Variants in TTLL9 observed in about 807,000 individuals in gnomAD.
TTLL9 encodes tubulin tyrosine ligase like 9.
Under a neutral mutation model 65.6 loss-of-function variants are expected in TTLL9, and 47 were observed. The observed-to-expected ratio is 0.72, with a 90% confidence interval of 0.57 to 0.91. The LOEUF (loss-of-function observed/expected upper bound fraction) is 0.91. TTLL9 is among the 40% of genes least tolerant of loss of function. The pLI is 0.00. For missense variants in TTLL9, 537 were observed against 568.8 expected, an observed-to-expected ratio of 0.94 and a Z score of 0.57; for synonymous variants, 179 against 204.8, an observed-to-expected ratio of 0.87 and a Z score of 1.07.
chr20:31,943,441 C>T lies in TTLL9; in HGVS notation c.*420C>T, dbSNP rs1426912384. The stretch of plus-strand genomic sequence containing the variant: ...CCTCCTGGCTTTGACACTTGGATAC[C>T]TCCCAAGTCAGTGCTGAAAAGGTCC... On this transcript the variant is annotated 3_prime_UTR_variant, in exon 15 of 15. Transcript: ENST00000535842. The T allele has an allele frequency of 1.8e-5, 6 of 325,390 alleles. No individual in the cohort carries two copies. The highest frequency in any genetic ancestry group is 1.6e-4 in the South Asian group (6 of 36,550). 20.2% of individuals were successfully genotyped at this position (325,390 alleles called of 1,614,324 possible). A position where few individuals can be genotyped will look rare whatever the true frequency, so the allele number is the denominator to read the frequency against.
intron 11 of TTLL9, 123 bp downstream of exon 11, chr20:31,933,981 G>A: frequency 9.8e-7 from 1 of 1,019,446 alleles, no homozygotes; most frequent in Admixed American, 2.8e-5. Context: ...CAGTGAGGCA[G>A]GCCTACCCAT....
intron 9 of TTLL9, 86 bp downstream of exon 9, chr20:31,925,135 C>A (rs1010370523): frequency 2.9e-6 from 4 of 1,399,380 alleles, no homozygotes; most frequent in East Asian, 4.6e-5. Context: ...CCTGGGGGTA[C>A]CTTGTGTGAG....
intron 3 of TTLL9, among the ~76,000 whole-genome samples, chr20:31,897,004 G>C (rs1157112454): frequency 6.6e-6 from 1 of 152,168 alleles, no homozygotes; most frequent in Non-Finnish European, 1.5e-5. Context: ...CTTGTGTACT[G>C]TCTTTGGTTT....
intron 2 of TTLL9, among the ~76,000 whole-genome samples, chr20:31,884,570 G>C (rs1023603767): frequency 9.9e-5 from 15 of 152,160 alleles, no homozygotes; most frequent in African/African-American, 3.6e-4. Flanking sequence ...AAGGGGTCTC[G>C]CTGGGCTAAA....
intron 14 of TTLL9, among the ~76,000 whole-genome samples, chr20:31,941,716 C>T (rs750280153): frequency 1.7e-4 from 26 of 152,200 alleles, no homozygotes; most frequent in Non-Finnish European, 3.4e-4. Flanking sequence ...GCACACACCA[C>T]ACCTGGCTAA....
chr20:31,942,438 G>A (rs1354213682), intron 14 of TTLL9, among the ~76,000 whole-genome samples: 2 of 152,208 alleles, frequency 1.3e-5, no homozygotes, highest in East Asian at 3.8e-4. Context: ...GGTAAGGGAA[G>A]AAAGCTAACA....
intron 3 of TTLL9, among the ~76,000 whole-genome samples, chr20:31,893,782 T>C (rs552615063): frequency 6.6e-6 from 1 of 152,064 alleles, no homozygotes; most frequent in Non-Finnish European, 1.5e-5. Flanking sequence ...CTTGGATCTG[T>C]GAGTTGATAA....
chr20:31,880,063 AG>A (rs1174175804), intron 2 of TTLL9, among the ~76,000 whole-genome samples: 4 of 152,076 alleles, frequency 2.6e-5, no homozygotes, highest in African/African-American at 9.7e-5. Flanking sequence ...GAAAACAGGA[AG>A]AAAAAAAGCC....
chr20:31,919,035 T>C (rs1170780280), intron 6 of TTLL9, among the ~76,000 whole-genome samples: 1 of 152,106 alleles, frequency 6.6e-6, no homozygotes, highest in African/African-American at 2.4e-5. Context: ...CAGAAGGAAA[T>C]GAGAGTTGCA....
chr20:31,925,548 C>T (rs1346917921), intron 9 of TTLL9, among the ~76,000 whole-genome samples: 1 of 152,204 alleles, frequency 6.6e-6, no homozygotes, highest in Non-Finnish European at 1.5e-5. Flanking sequence ...TATATTCCCT[C>T]CACCCATTCA....
chr20:31,909,807 A>G lies in TTLL9; in HGVS notation c.389A>G (p.Lys130Arg), dbSNP rs1478198845. The part of the protein sequence containing the change: ...FRKQLEREAG[K>R]LEAAKCDFFP... ...AAGCAGCTGGAGCGTGAGGCAGGAA[A>G]GCTGGAGGCAGCCAAGTGTGACTTC... Residue 130 changes from lysine (K) to arginine (R), a missense_variant, in exon 6 of 15, where the codon AAG (lysine) becomes AGG (arginine). Transcript: ENST00000535842. 1 of 1,614,182 alleles carries G rather than the reference A, an allele frequency of 6.2e-7. No homozygotes were observed. Among genetic ancestry groups the G allele is most frequent in the African/African-American group, 1.3e-5 (1 of 75,038 alleles).
At chr20:31,929,881 C>CGTG (rs2063975714) in intron 10 of TTLL9, among the ~76,000 whole-genome samples, 1 of 152,132 alleles carries the variant, frequency 6.6e-6, no homozygotes, top group Non-Finnish European at 1.5e-5. Context: ...GTAATCCTAG[C>CGTG]ACTTTGGGAG....
At chr20:31,902,419 C>T (rs766586603) in intron 4 of TTLL9, among the ~76,000 whole-genome samples, 1 of 152,092 alleles carries the variant, frequency 6.6e-6, no homozygotes. Flanking sequence ...CTCGCTGTGT[C>T]GCCCAGGCTG....
chr20:31,875,497 C>T (rs572501980), intron 2 of TTLL9, among the ~76,000 whole-genome samples: 2 of 152,236 alleles, frequency 1.3e-5, no homozygotes, highest in East Asian at 1.9e-4. Flanking sequence ...GTTACTGATC[C>T]GTGTCATGCT....
At chr20:31,927,195 C>A (rs2063920825) in intron 10 of TTLL9, among the ~76,000 whole-genome samples, 1 of 150,800 alleles carries the variant, frequency 6.6e-6, no homozygotes, top group South Asian at 2.1e-4. Flanking sequence ...GAAGAACAGA[C>A]AAGAAGCTGG....
intron 2 of TTLL9, chr20:31,879,690 A>G (rs1007615780): frequency 2.9e-5 from 24 of 824,512 alleles, no homozygotes; most frequent in East Asian, 1.1e-4. Flanking sequence ...CGGGGGACCT[A>G]GGCTGCCAGG....
At chr20:31,919,483 C>T (rs1351039521) in intron 6 of TTLL9, among the ~76,000 whole-genome samples, 11 of 152,094 alleles carry the variant, frequency 7.2e-5, no homozygotes. Flanking sequence ...TGCTGGGGTT[C>T]AGTAAAGGCA....
chr20:31,936,922 C>T (rs572646064), intron 12 of TTLL9, among the ~76,000 whole-genome samples: 1 of 151,718 alleles, frequency 6.6e-6, no homozygotes, highest in South Asian at 2.1e-4. Context: ...ATGGTGAAAC[C>T]CCATCTCTAC....
At chr20:31,921,200 C>T (rs924623959) in intron 7 of TTLL9, among the ~76,000 whole-genome samples, 1 of 152,114 alleles carries the variant, frequency 6.6e-6, no homozygotes, top group Non-Finnish European at 1.5e-5. Context: ...AAATTGTGGG[C>T]CGGCAACAGA....
Sources: gnomAD v4.1 joint callset for allele counts (sites outside exome capture counted in the v4.1 genomes callset) on GRCh38, gnomAD v4.1.1 for gene constraint, MANE v1.5 for transcripts, NCBI Gene and HGNC (gene_info 2026-07-23, HGNC 2026-07-21) for gene names.